Variants in RAD51C observed in about 807,000 individuals in gnomAD.
RAD51C encodes RAD51 paralog C.
A neutral mutation model predicts 45.0 loss-of-function variants in RAD51C; 42 were observed. The ratio of observed to expected loss-of-function variants is 0.93; its 90% CI spans 0.73 to 1.21. The LOEUF is 1.21. RAD51C is among the 50% of genes most tolerant of loss of function. RAD51C has a pLI of 0.00. For missense variants in RAD51C, 474 were observed against 452.2 expected, an observed-to-expected ratio of 1.05 and a Z score of -0.44; for synonymous variants, 172 against 159.8, an observed-to-expected ratio of 1.08 and a Z score of -0.58.
intron 7 of RAD51C, among the ~76,000 whole-genome samples, chr17:58,731,876 A>G (rs565671626): frequency 6.6e-6 from 1 of 152,282 alleles, no homozygotes; most frequent in East Asian, 1.9e-4. Flanking sequence ...ATGAGCCACC[A>G]TGCCTAGGTG....
intron 4 of RAD51C, among the ~76,000 whole-genome samples, chr17:58,705,616 G>A (rs182802366): frequency 0.021 from 3,201 of 152,172 alleles, 100 homozygotes; most frequent in African/African-American, 0.073. Flanking sequence ...ACAGGCGTGA[G>A]CCACCGTGCC....
intron 4 of RAD51C, among the ~76,000 whole-genome samples, chr17:58,703,994 G>A (rs375988820): frequency 7.1e-5 from 9 of 127,272 alleles, no homozygotes; most frequent in South Asian, 2.6e-4. Flanking sequence ...GGGGTTAAGC[G>A]ATTCTCCCAC....
At chr17:58,692,852 T>C in intron 1 of RAD51C, 64 bp downstream of exon 1, 2 of 1,611,242 alleles carry the variant, frequency 1.2e-6, no homozygotes. Context: ...CAGTCTTCGT[T>C]CTCTCGCCTC....
chr17:58,732,862 A>G (rs1398335809), intron 8 of RAD51C: 5 of 326,900 alleles, frequency 1.5e-5, no homozygotes, highest in Non-Finnish European at 2.9e-5. Context: ...AAATACTAAC[A>G]TTACTTATTT....
At position 58,725,998 on chromosome 17, in the gene RAD51C, C is replaced by T. The variant is rs964565375; in HGVS notation, c.965+1898C>T. Among the ~76,000 whole-genome samples the T allele has an allele frequency of 2.0e-3, 95 of 48,572 alleles. 1 individual carries two copies. Among genetic ancestry groups the T allele is most frequent in the Admixed American group, 5.2e-3 (22 of 4,266 alleles). The allele number at this position is 48,572 out of a possible 152,430, so 31.9% of individuals were successfully genotyped here. On this transcript the variant is annotated intron_variant, in intron 7 of 8. Transcript: ENST00000337432. Reference sequence around the variant, plus strand: ...AGAGTGAGACTCCATCCACCCCCTGCAAAAAAAAAAAAAAAAAACAAGAAA... The same window carrying T: ...AGAGTGAGACTCCATCCACCCCCTGTAAAAAAAAAAAAAAAAAACAAGAAA...
chr17:58,725,670 C>T (rs1248119647), intron 7 of RAD51C, among the ~76,000 whole-genome samples: 1 of 151,960 alleles, frequency 6.6e-6, no homozygotes, highest in Admixed American at 6.6e-5. Context: ...ATGAATTCAC[C>T]TTCTTACAAA....
intron 2 of RAD51C, 151 bp downstream of exon 2, chr17:58,695,340 G>A (rs1371080199): frequency 1.4e-6 from 2 of 1,400,416 alleles, no homozygotes; most frequent in Admixed American, 3.1e-5. Flanking sequence ...CTTACTATTT[G>A]TGTTACTTCA....
intron 5 of RAD51C, among the ~76,000 whole-genome samples, chr17:58,711,184 T>A (rs1045814220): frequency 6.6e-6 from 1 of 152,170 alleles, no homozygotes; most frequent in African/African-American, 2.4e-5. Context: ...ATAGGTTGCA[T>A]AGTTCCTTAT....
intron 3 of RAD51C, among the ~76,000 whole-genome samples, chr17:58,700,821 T>C (rs970625510): frequency 6.6e-6 from 1 of 152,238 alleles, no homozygotes; most frequent in African/African-American, 2.4e-5. Context: ...CTATTTGCAA[T>C]AGGAAATGTT....
rs190932339 is a variant in RAD51C at position 58,721,365 on chromosome 17, G to A, written c.904+553G>A. Among the ~76,000 whole-genome samples, 342 of 152,334 alleles carry A rather than the reference G, an allele frequency of 2.2e-3. 10 individuals are homozygous for A. Among genetic ancestry groups the A allele is most frequent in the Admixed American group, 0.02 (312 of 15,286 alleles). The stretch of plus-strand genomic sequence containing the variant: ...TTCACAGTGTTAGGGAGAAGGAAAG[G>A]TGAATCCACTTAAATACAAATCACA... On this transcript the variant is annotated intron_variant, in intron 6 of 8. Coordinates refer to ENST00000337432, the MANE Select transcript of RAD51C (RefSeq NM_058216.3).
At chr17:58,727,516 A>T (rs1321986203) in intron 7 of RAD51C, among the ~76,000 whole-genome samples, 1 of 152,010 alleles carries the variant, frequency 6.6e-6, no homozygotes, top group Non-Finnish European at 1.5e-5. Context: ...GCCAATCTGA[A>T]TATGTAGCTT....
chr17:58,692,577 T>A (rs952662506), upstream of RAD51C: 11 of 1,594,216 alleles, frequency 6.9e-6, no homozygotes, highest in Admixed American at 1.3e-4. Flanking sequence ...ACGTCTGACG[T>A]CACGCCGCAC....
rs1433569356 is a variant in RAD51C, at chr17:58,710,009, A to G, written c.837+19A>G. ...ATTAGCTGTAAGTATTAACTAGTGA[A>G]GAGAGTTTTATAACAAAGTCAAGAC... On this transcript the variant is annotated intron_variant, in intron 5 of 8. Transcript: ENST00000337432. The G allele has an allele frequency of 1.2e-6, 2 of 1,603,220 alleles. No individual in the cohort carries two copies. Among genetic ancestry groups the G allele is most frequent in the Admixed American group, 3.3e-5 (2 of 59,956 alleles).
At chr17:58,708,872 G>T (rs1382436401) in intron 4 of RAD51C, among the ~76,000 whole-genome samples, 1 of 149,900 alleles carries the variant, frequency 6.7e-6, no homozygotes, top group Non-Finnish European at 1.5e-5. Flanking sequence ...CCAGCCTGAA[G>T]GTTTTTTTGT....
intron 7 of RAD51C, among the ~76,000 whole-genome samples, chr17:58,731,645 C>T (rs1265210971): frequency 1.3e-5 from 2 of 152,194 alleles, no homozygotes; most frequent in African/African-American, 4.8e-5. Context: ...ATTTATTTCT[C>T]AGCTACTTTT....
At chr17:58,696,334 G>A (rs2048006319) in intron 2 of RAD51C, among the ~76,000 whole-genome samples, 1 of 152,140 alleles carries the variant, frequency 6.6e-6, no homozygotes, top group Non-Finnish European at 1.5e-5. Context: ...TCGGGCAGCT[G>A]AGGCAGGAGA....
intron 3 of RAD51C, among the ~76,000 whole-genome samples, chr17:58,698,793 G>T (rs1489760279): frequency 1.3e-5 from 2 of 150,888 alleles, no homozygotes; most frequent in African/African-American, 4.8e-5. Flanking sequence ...ATGGTGGCAG[G>T]TACCTGTAAT....
Position 58,733,441 on chromosome 17 carries a change from T to TA in RAD51C, c.1027-676dup, listed in dbSNP as rs1325663408. 2.0e-5 allele frequency among the ~76,000 whole-genome samples: 3 copies of TA among 152,262 alleles called. No individual in the cohort carries two copies. In the East Asian group the frequency reaches 5.8e-4, roughly 29 times the overall value. ...TGGGGAAAAAAAAGAGAGAGAGAAATATCATAGTTGGAAAACTTTAGAGTA... is the reference window on the plus strand; with the variant it reads ...TGGGGAAAAAAAAGAGAGAGAGAAATAATCATAGTTGGAAAACTTTAGAGTA... On this transcript the variant is annotated intron_variant, in intron 8 of 8. Transcript: ENST00000337432.
At chr17:58,728,877 A>C (rs990906859) in intron 7 of RAD51C, among the ~76,000 whole-genome samples, 2 of 152,132 alleles carry the variant, frequency 1.3e-5, no homozygotes, top group African/African-American at 4.8e-5. Flanking sequence ...ATATTATGTG[A>C]GTTTTCCTCC....
Sources: allele counts gnomAD v4.1 joint callset (sites outside exome capture counted in the v4.1 genomes callset), GRCh38; gene constraint gnomAD v4.1.1; transcripts MANE v1.5; gene names NCBI Gene and HGNC (gene_info 2026-07-23, HGNC 2026-07-21).